Variants in VWA8 observed in about 807,000 individuals in gnomAD.
The protein encoded by VWA8 is von Willebrand factor A domain containing 8.
VWA8 carries 221 observed loss-of-function variants against 241.5 expected under a neutral mutation model. The ratio of observed to expected loss-of-function variants is 0.91; its 90% confidence interval spans 0.82 to 1.02. The LOEUF is 1.02. Among genes scored for constraint, VWA8 ranks in the 50% least tolerant of loss-of-function variants. VWA8 has a pLI of 0.00. For synonymous variants in VWA8, 852 were observed against 827.1 expected, an observed-to-expected ratio of 1.03 and a Z score of -0.52; for missense variants, 2,322 against 2,328.7, an observed-to-expected ratio of 1.00 and a Z score of 0.06.
At chr13:41,842,716 C>T (rs572317983) in intron 12 of VWA8, among the ~76,000 whole-genome samples, 11 of 152,162 alleles carry the variant, frequency 7.2e-5, no homozygotes, top group Non-Finnish European at 1.5e-4. Flanking sequence ...CAGTTATGTA[C>T]TCCATCAAGA....
At chr13:41,761,021 A>G in intron 21 of VWA8, 107 bp downstream of exon 21, 2 of 1,107,378 alleles carry the variant, frequency 1.8e-6, no homozygotes, top group Non-Finnish European at 2.6e-6. Flanking sequence ...ACAGAAATAA[A>G]ACTGGTTTAT....
chr13:41,811,483 A>G, intron 16 of VWA8, 143 bp from the exon 17 acceptor site: 1 of 474,832 alleles, frequency 2.1e-6, no homozygotes, highest in East Asian at 3.3e-5. Context: ...TTACAAATCA[A>G]AATAAACAGA....
intron 21 of VWA8, among the ~76,000 whole-genome samples, chr13:41,734,810 C>T (rs888086520): frequency 2.6e-5 from 4 of 152,082 alleles, no homozygotes; most frequent in Non-Finnish European, 5.9e-5. Context: ...TTTATCTTCT[C>T]TAAAAAACAA....
intron 9 of VWA8, among the ~76,000 whole-genome samples, chr13:41,871,542 G>A (rs1873616464): frequency 6.6e-6 from 1 of 152,134 alleles, no homozygotes; most frequent in Non-Finnish European, 1.5e-5. Context: ...ACCTATGAGT[G>A]AGAATATGCG....
intron 21 of VWA8, among the ~76,000 whole-genome samples, chr13:41,749,711 T>C (rs2045639369): frequency 6.6e-6 from 1 of 152,132 alleles, no homozygotes; most frequent in Non-Finnish European, 1.5e-5. Context: ...CGTAGGGACA[T>C]GGATGAAGCT....
intron 43 of VWA8, among the ~76,000 whole-genome samples, chr13:41,571,880 C>G (rs1198444482): frequency 6.6e-6 from 1 of 151,196 alleles, no homozygotes. Context: ...TCTTCCCGGC[C>G]GCCATCCTGT....
At chr13:41,649,617 T>C (rs1348025169) in intron 37 of VWA8, among the ~76,000 whole-genome samples, 1 of 149,456 alleles carries the variant, frequency 6.7e-6, no homozygotes, top group African/African-American at 2.5e-5. Context: ...ACTGTTAGTA[T>C]TCATCACAAG....
intron 15 of VWA8, among the ~76,000 whole-genome samples, 156 bp downstream of exon 15, chr13:41,819,062 T>TTTA (rs1181085144): frequency 2.0e-5 from 3 of 152,176 alleles, no homozygotes; most frequent in Admixed American, 2.0e-4. Context: ...ATGTGAAAGT[T>TTTA]TAAGATCCAC....
chr13:41,804,216 C>T (rs1266889297), intron 17 of VWA8, among the ~76,000 whole-genome samples: 1 of 152,046 alleles, frequency 6.6e-6, no homozygotes, highest in Non-Finnish European at 1.5e-5. Context: ...GCAAATTTAA[C>T]TCAAAAAAGA....
intron 2 of VWA8, among the ~76,000 whole-genome samples, chr13:41,921,001 C>T (rs1593870775): frequency 6.6e-6 from 1 of 152,188 alleles, no homozygotes; most frequent in Non-Finnish European, 1.5e-5. Context: ...AATTTTAGAC[C>T]AATATCCCTG....
At chr13:41,729,719 C>T (rs980119127) in intron 22 of VWA8, 42 bp from the exon 23 acceptor site, 2 of 1,588,374 alleles carry the variant, frequency 1.3e-6, no homozygotes, top group African/African-American at 2.7e-5. Flanking sequence ...TAAATGAAGA[C>T]AGCCATTATT....
chr13:41,811,112 C>T (rs1169961601), intron 17 of VWA8, 113 bp downstream of exon 17: 1 of 838,996 alleles, frequency 1.2e-6, no homozygotes, highest in South Asian at 1.9e-5. Flanking sequence ...AATAGCTCTA[C>T]ATTCAGACCA....
intron 9 of VWA8, among the ~76,000 whole-genome samples, chr13:41,872,157 GT>G (rs1306268956): frequency 6.6e-6 from 1 of 151,870 alleles, no homozygotes; most frequent in African/African-American, 2.4e-5. Flanking sequence ...GGGGTTGTTT[GT>G]TTTTTTCTTG....
intron 8 of VWA8, among the ~76,000 whole-genome samples, chr13:41,883,984 ACT>A (rs2138075925): frequency 6.6e-6 from 1 of 152,332 alleles, no homozygotes; most frequent in African/African-American, 2.4e-5. Context: ...CATTATCTGC[ACT>A]GTCAATTCTG....
rs114775276 is a variant in VWA8, at chr13:41,952,829, A to T, written c.164-2816T>A. Reference sequence around the variant, plus strand: ...AACTGAGTAACTGAGGAGAGTACAAAAAGGGAACTATTTACAAAGGTATAG... The same window carrying T: ...AACTGAGTAACTGAGGAGAGTACAATAAGGGAACTATTTACAAAGGTATAG... On this transcript the variant is annotated intron_variant, in intron 1 of 44. Transcript: ENST00000379310. Among the ~76,000 whole-genome samples, 258 of 152,282 alleles carry T rather than the reference A, an allele frequency of 1.7e-3. 2 individuals carry two copies. The highest frequency in any genetic ancestry group is 5.7e-3 in the African/African-American group (237 of 41,566).
chr13:41,945,197 T>C (rs1235446609), intron 2 of VWA8, among the ~76,000 whole-genome samples: 1 of 151,762 alleles, frequency 6.6e-6, no homozygotes, highest in Non-Finnish European at 1.5e-5. Context: ...TAAAGAAATC[T>C]CCGTTCAAAC....
chr13:41,855,861 C>A (rs1378293343), intron 12 of VWA8, among the ~76,000 whole-genome samples: 1 of 152,192 alleles, frequency 6.6e-6, no homozygotes, highest in African/African-American at 2.4e-5. Context: ...CACAGCCACA[C>A]TCATACATTG....
intron 28 of VWA8, 147 bp downstream of exon 28, chr13:41,701,245 G>C: frequency 2.0e-6 from 2 of 1,024,258 alleles, no homozygotes; most frequent in Non-Finnish European, 2.7e-6. Context: ...GAGGAAATTA[G>C]TTCTAAATTA....
At chr13:41,780,622 T>C (rs938578629) in intron 19 of VWA8, among the ~76,000 whole-genome samples, 1 of 152,174 alleles carries the variant, frequency 6.6e-6, no homozygotes, top group African/African-American at 2.4e-5. Context: ...TAGCCTAGAT[T>C]TGTATCAGCT....
Sources: gnomAD v4.1 joint callset for allele counts (sites outside exome capture counted in the v4.1 genomes callset) on GRCh38, gnomAD v4.1.1 for gene constraint, MANE v1.5 for transcripts, NCBI Gene and HGNC (gene_info 2026-07-23, HGNC 2026-07-21) for gene names.